CMIP: variants seen among roughly 807,000 people sequenced by gnomAD.
CMIP encodes c-Maf inducing protein.
CMIP carries 13 observed loss-of-function variants against 97.3 expected under a neutral mutation model. The observed-to-expected ratio is 0.13, with a 90% CI of 0.09 to 0.21. CMIP has a LOEUF of 0.21. Among genes scored for constraint, CMIP ranks in the 10% least tolerant of loss-of-function variants. The probability of loss-of-function intolerance (pLI) is 1.00; values close to 1 mark genes in which losing one functional copy is unlikely to be tolerated. For synonymous variants in CMIP, 538 were observed against 436.3 expected (o/e 1.23, Z -2.91); for missense variants, 847 against 1,024.9 (o/e 0.83, Z 2.37).
In CMIP at chr16:81,652,519, G is replaced by C. The variant is rs896530832; in HGVS notation, c.639+155G>C. Among the ~76,000 whole-genome samples, 2 of 152,202 alleles carry C rather than the reference G, an allele frequency of 1.3e-5. No homozygotes were observed. Among genetic ancestry groups the C allele is most frequent in the Non-Finnish European group, 2.9e-5 (2 of 68,034 alleles). On this transcript the variant is annotated intron_variant, in intron 4 of 20. Coordinates refer to ENST00000537098, the MANE Select transcript of CMIP (RefSeq NM_198390.3). The surrounding 1 kb of genome is among the most constrained non-coding windows in gnomAD (Gnocchi z 5.2). ...TGAGCAGTTGCCCACCCAGCCGTGTGTGGGAGTTGGGAGAGGGAGGCTTGC... is the reference window on the plus strand; with the variant it reads ...TGAGCAGTTGCCCACCCAGCCGTGTCTGGGAGTTGGGAGAGGGAGGCTTGC...
intron 1 of CMIP, among the ~76,000 whole-genome samples, chr16:81,449,387 G>A (rs995427424): frequency 3.9e-5 from 6 of 152,192 alleles, no homozygotes; most frequent in Non-Finnish European, 7.3e-5. Context: ...TCTTTAGTCT[G>A]GTGTTTTCTG....
At chr16:81,451,154 C>T (rs928386447) in intron 1 of CMIP, among the ~76,000 whole-genome samples, 1 of 152,180 alleles carries the variant, frequency 6.6e-6, no homozygotes, top group Non-Finnish European at 1.5e-5. Context: ...TGAGTTGTAG[C>T]TCCCATAATT....
rs150633228 is a variant in CMIP, at chr16:81,695,229, C to G, written c.1531-1331C>G. Reference sequence around the variant, plus strand: ...TCTTTCTTTTCTCTGCTGATTCTCTCTCCCTTTTCCTCCTCACTCTTCTTT... The same window carrying G: ...TCTTTCTTTTCTCTGCTGATTCTCTGTCCCTTTTCCTCCTCACTCTTCTTT... On this transcript the variant is annotated intron_variant, in intron 13 of 20. Coordinates refer to ENST00000537098, the MANE Select transcript of CMIP (RefSeq NM_198390.3). 3.3e-5 allele frequency among the ~76,000 whole-genome samples: 5 copies of G among 152,370 alleles called. No homozygotes were observed. The East Asian group carries it at 7.7e-4, about 23-fold the overall frequency.
chr16:81,560,126 G>T (rs1263084490), intron 1 of CMIP, among the ~76,000 whole-genome samples: 1 of 142,764 alleles, frequency 7.0e-6, no homozygotes, highest in South Asian at 2.3e-4. Flanking sequence ...CAGCCTGGGC[G>T]ACAGAGCGAG....
chr16:81,499,669 C>T (rs557500708), intron 1 of CMIP, among the ~76,000 whole-genome samples: 22 of 152,334 alleles, frequency 1.4e-4, no homozygotes, highest in African/African-American at 2.6e-4. Flanking sequence ...GGCCTCTGCC[C>T]GGGGAGCAGA....
chr16:81,689,144 G>A lies in CMIP; in HGVS notation c.1389-2631G>A, dbSNP rs140936511. On this transcript the variant is annotated intron_variant, in intron 10 of 20. Coordinates refer to ENST00000537098, the MANE Select transcript of CMIP (RefSeq NM_198390.3). The stretch of plus-strand genomic sequence containing the variant: ...CATGTGCATGTGTCTTTATAGCAGC[G>A]TGATTTATAATCCTTTGGGTATATA... Among the ~76,000 whole-genome samples the A allele has an allele frequency of 3.2e-4, 49 of 152,266 alleles. No homozygotes were observed. In the East Asian group the frequency reaches 4.6e-3, roughly 14 times the overall value.
chr16:81,589,633 C>A (rs796393993), intron 1 of CMIP, among the ~76,000 whole-genome samples: 4 of 152,328 alleles, frequency 2.6e-5, no homozygotes, highest in African/African-American at 9.6e-5. Context: ...CCAAAGCAGT[C>A]CCCTGAGCCC....
intron 1 of CMIP, among the ~76,000 whole-genome samples, chr16:81,477,205 G>C (rs989159822): frequency 6.6e-6 from 1 of 152,044 alleles, no homozygotes; most frequent in African/African-American, 2.4e-5. Context: ...GCCCAGGCTG[G>C]AGTGCAGTGG....
At chr16:81,645,826 T>C (rs2092358501) in intron 3 of CMIP, 1 of 582,858 alleles carries the variant, frequency 1.7e-6, no homozygotes, top group East Asian at 2.8e-5. Flanking sequence ...GGAACTGAGC[T>C]AAGTGTTTTA....
chr16:81,640,033 C>A (rs73598497), intron 3 of CMIP, among the ~76,000 whole-genome samples: 8,694 of 152,164 alleles, frequency 0.057, 524 homozygotes, highest in East Asian at 0.21. Flanking sequence ...CATGGCTCCT[C>A]TTTGCCAGGG....
At chr16:81,647,925 G>A (rs188507514) in intron 3 of CMIP, among the ~76,000 whole-genome samples, 58 of 13,020 alleles carry the variant, frequency 4.5e-3, no homozygotes, top group Non-Finnish European at 9.7e-3. Flanking sequence ...CCCCGCACCC[G>A]CAGAGCCGTA....
intron 1 of CMIP, among the ~76,000 whole-genome samples, chr16:81,467,000 C>T (rs999194880): frequency 6.6e-6 from 1 of 152,176 alleles, no homozygotes; most frequent in Non-Finnish European, 1.5e-5. Context: ...CCAGAACATA[C>T]AGGAAAATAA....
chr16:81,471,313 C>T (rs1349167224), intron 1 of CMIP, among the ~76,000 whole-genome samples: 2 of 152,216 alleles, frequency 1.3e-5, no homozygotes, highest in Non-Finnish European at 2.9e-5. Context: ...AATGTACCCA[C>T]ACGCACACAT....
rs893407975 is a variant in CMIP at position 81,645,639 on chromosome 16, C to T, written c.478-6564C>T. 16 of 1,532,350 alleles carry T rather than the reference C, an allele frequency of 1.0e-5. No individual in the cohort carries two copies. In the Admixed American group the frequency reaches 1.4e-4, roughly 13 times the overall value. 94.9% of individuals were successfully genotyped at this position (1,532,350 alleles called of 1,614,324 possible). A position where few individuals can be genotyped will look rare whatever the true frequency, so the allele number is the denominator to read the frequency against. On this transcript the variant is annotated intron_variant, in intron 3 of 20. Coordinates refer to ENST00000537098, the MANE Select transcript of CMIP (RefSeq NM_198390.3). ...TGACAAGCAGAGAGGGTGAGGACAG[C>T]GCTGGAGTGGCTGACTCTGCCAGAC... is the stretch of plus-strand genomic sequence containing the variant.
chr16:81,527,298 C>T lies in CMIP; in HGVS notation c.301-80269C>T, dbSNP rs374614524. Among the ~76,000 whole-genome samples the T allele has an allele frequency of 8.5e-5, 13 of 152,056 alleles. No individual in the cohort carries two copies. In the East Asian group the frequency reaches 2.5e-3, roughly 29 times the overall value. ...AGCCTTTGGGTTCACAGCCTGCATG[C>T]CAGAAATATCATTTATCGTCAGTAA... is the stretch of plus-strand genomic sequence containing the variant. On this transcript the variant is annotated intron_variant, in intron 1 of 20. Coordinates refer to ENST00000537098, the MANE Select transcript of CMIP (RefSeq NM_198390.3).
intron 1 of CMIP, among the ~76,000 whole-genome samples, chr16:81,501,150 C>T (rs75179727): frequency 0.046 from 7,045 of 152,308 alleles, 188 homozygotes; most frequent in Non-Finnish European, 0.064. Flanking sequence ...TCCTGGAGAA[C>T]GCAGTAATTT....
At chr16:81,595,028 C>A (rs539788505) in intron 1 of CMIP, among the ~76,000 whole-genome samples, 1 of 140,904 alleles carries the variant, frequency 7.1e-6, no homozygotes, top group Non-Finnish European at 1.5e-5. Flanking sequence ...AAGGTAATAT[C>A]ATGTGGTCTC....
intron 1 of CMIP, among the ~76,000 whole-genome samples, chr16:81,567,239 G>T (rs1012320169): frequency 1.3e-5 from 2 of 152,288 alleles, no homozygotes; most frequent in African/African-American, 4.8e-5. Flanking sequence ...CACCACGGGA[G>T]CTTGTGCTGC....
At chr16:81,544,170 A>G (rs929656451) in intron 1 of CMIP, among the ~76,000 whole-genome samples, 2 of 152,242 alleles carry the variant, frequency 1.3e-5, no homozygotes, top group South Asian at 2.1e-4. Context: ...GGGGTTCCAC[A>G]TGCACCTAGT....
Sources: gnomAD v4.1 joint callset for allele counts (sites outside exome capture counted in the v4.1 genomes callset) on GRCh38, gnomAD v4.1.1 for gene constraint, Gnocchi (gnomAD v3.1) non-coding constraint, MANE v1.5 for transcripts, NCBI Gene and HGNC (gene_info 2026-07-23, HGNC 2026-07-21) for gene names.